Variants in AGTR1 observed in about 807,000 individuals in gnomAD.
AGTR1 encodes type-1 angiotensin II receptor.
In AGTR1, 16 loss-of-function variants were observed where a neutral mutation model predicts 19.4. That is an observed-to-expected ratio of 0.82 (90% CI 0.56 to 1.25). The LOEUF (loss-of-function observed/expected upper bound fraction) is 1.25, where lower values mean the gene tolerates loss of function less well. Ranked by LOEUF, AGTR1 falls within the 50% of genes most tolerant of loss-of-function variation. AGTR1 has a pLI of 0.00. For missense variants in AGTR1, 373 were observed against 431.9 expected (o/e 0.86, Z 1.21); for synonymous variants, 153 against 154.9 (o/e 0.99, Z 0.09).
chr3:148,703,435 A>G (rs1247234059), intron 1 of AGTR1, among the ~76,000 whole-genome samples: 1 of 152,210 alleles, frequency 6.6e-6, no homozygotes, highest in African/African-American at 2.4e-5. Context: ...CTTGTTTAGA[A>G]TAATTATGAA....
In AGTR1 at chr3:148,731,593, C is replaced by G. The variant is rs151084837; in HGVS notation, c.-47-9396C>G. 25 of 152,208 alleles carry G rather than the reference C, an allele frequency of 1.6e-4. No homozygotes were observed. In the East Asian group the frequency reaches 4.6e-3, roughly 28 times the overall value. 9.4% of individuals were successfully genotyped at this position (152,208 alleles called of 1,614,324 possible). ...AAATGCTTTTATGTCTTCCAAAGAACTTTTTATTTTTAGCAGTCCATGAAA... is the reference window on the plus strand; with the variant it reads ...AAATGCTTTTATGTCTTCCAAAGAAGTTTTTATTTTTAGCAGTCCATGAAA... On this transcript the variant is annotated intron_variant, in intron 2 of 2. Coordinates refer to ENST00000349243, the MANE Select transcript of AGTR1 (RefSeq NM_000685.5).
chr3:148,702,229 G>A (rs1385524130), intron 1 of AGTR1, among the ~76,000 whole-genome samples: 5 of 151,876 alleles, frequency 3.3e-5, no homozygotes, highest in Non-Finnish European at 7.4e-5. Context: ...TCCCTGCCTC[G>A]GCCTCCCAAA....
chr3:148,735,542 C>G (rs150818232), intron 2 of AGTR1, among the ~76,000 whole-genome samples: 1,882 of 152,094 alleles, frequency 0.012, 33 homozygotes, highest in African/African-American at 0.043. Flanking sequence ...AATAGTAAAG[C>G]AATTGGGTAG....
rs1211534547 is a variant in AGTR1 at position 148,700,104 on chromosome 3, G to T, written c.-132+1977G>T. On this transcript the variant is annotated intron_variant, in intron 1 of 2. Transcript: ENST00000349243. ...TCAGAAAAGGGCAGATTTGTGGGTT[G>T]TTCAGGTTTCTCACTTTTCTTTTTC... Among the ~76,000 whole-genome samples the T allele has an allele frequency of 2.6e-5, 4 of 152,246 alleles. No individual in the cohort carries two copies. The East Asian group carries it at 7.7e-4, about 29-fold the overall frequency.
intron 1 of AGTR1, among the ~76,000 whole-genome samples, chr3:148,698,681 C>G (rs1712135167): frequency 6.6e-6 from 1 of 152,130 alleles, no homozygotes. Context: ...CAACCTTGGC[C>G]AAACTCTCCC....
intron 1 of AGTR1, among the ~76,000 whole-genome samples, chr3:148,705,287 C>A (rs1480213993): frequency 6.6e-6 from 1 of 152,106 alleles, no homozygotes; most frequent in Non-Finnish European, 1.5e-5. Context: ...ATATACTTAA[C>A]AACTTTATCA....
chr3:148,731,845 AC>A (rs1714275578), intron 2 of AGTR1, among the ~76,000 whole-genome samples: 1 of 152,242 alleles, frequency 6.6e-6, no homozygotes. Context: ...AAAGTAAAGA[AC>A]TATAATGCAT....
chr3:148,726,583 T>G (rs1713956024), intron 2 of AGTR1, among the ~76,000 whole-genome samples: 1 of 152,252 alleles, frequency 6.6e-6, no homozygotes. Context: ...TTTTGTGTGT[T>G]AAGATTCAGC....
rs961023538 is a variant in AGTR1, at chr3:148,736,817, T to G, written c.-47-4172T>G. ...CACAGAGCTTGGATAAAAGGAATAGTAAGACCAAAAATAGGAAAAGTAGGA... is the reference window on the plus strand; with the variant it reads ...CACAGAGCTTGGATAAAAGGAATAGGAAGACCAAAAATAGGAAAAGTAGGA... On this transcript the variant is annotated intron_variant, in intron 2 of 2. Transcript: ENST00000349243. 1.2e-4 allele frequency among the ~76,000 whole-genome samples: 18 copies of G among 152,180 alleles called. 1 individual carries two copies. The highest frequency in any genetic ancestry group is 1.5e-5 in the Non-Finnish European group (1 of 68,028).
intron 2 of AGTR1, among the ~76,000 whole-genome samples, chr3:148,732,730 A>ATTTTTTT (rs778034622): frequency 1.8e-5 from 2 of 109,952 alleles, no homozygotes; most frequent in Admixed American, 9.3e-5. Flanking sequence ...GCTTCGGAAA[A>ATTTTTTT]TTTTTTTTTT....
chr3:148,702,429 T>G (rs979757603), intron 1 of AGTR1, among the ~76,000 whole-genome samples: 2 of 152,244 alleles, frequency 1.3e-5, no homozygotes, highest in Non-Finnish European at 2.9e-5. Context: ...TGCAGGTACT[T>G]ACAGAGGAAA....
At chr3:148,703,125 A>G (rs1712450786) in intron 1 of AGTR1, among the ~76,000 whole-genome samples, 1 of 152,322 alleles carries the variant, frequency 6.6e-6, no homozygotes, top group South Asian at 2.1e-4. Flanking sequence ...GAATACTGGA[A>G]TCACCCAGGG....
intron 1 of AGTR1, among the ~76,000 whole-genome samples, chr3:148,706,675 G>A (rs1712686122): frequency 6.6e-6 from 1 of 151,888 alleles, no homozygotes; most frequent in African/African-American, 2.4e-5. Flanking sequence ...CAACCTAATT[G>A]AAACATGAGC....
Position 148,740,593 on chromosome 3 carries a change from C to A in AGTR1, c.-47-396C>A, listed in dbSNP as rs761427579. On this transcript the variant is annotated intron_variant, in intron 2 of 2. Transcript: ENST00000349243. ...TGAGGTTAATGATAAATGAATTGGTCCTGCTTACCTCAGGAAAAACTTTCA... is the reference window on the plus strand; with the variant it reads ...TGAGGTTAATGATAAATGAATTGGTACTGCTTACCTCAGGAAAAACTTTCA... 8.5e-5 allele frequency among the ~76,000 whole-genome samples: 13 copies of A among 152,264 alleles called. No individual in the cohort carries two copies. The Middle Eastern group carries it at 0.02, about 239-fold the overall frequency.
intron 1 of AGTR1, among the ~76,000 whole-genome samples, chr3:148,698,867 G>A (rs1712146182): frequency 6.6e-6 from 1 of 152,120 alleles, no homozygotes; most frequent in African/African-American, 2.4e-5. Flanking sequence ...GCCACTGCCC[G>A]ACACCCAACT....
intron 1 of AGTR1, among the ~76,000 whole-genome samples, chr3:148,705,468 A>C (rs1027500683): frequency 1.3e-5 from 2 of 152,046 alleles, no homozygotes; most frequent in Admixed American, 1.3e-4. Context: ...ACTTCATATA[A>C]AACACATTTT....
chr3:148,711,687 A>G (rs1712991993), intron 2 of AGTR1, among the ~76,000 whole-genome samples: 1 of 152,232 alleles, frequency 6.6e-6, no homozygotes, highest in Admixed American at 6.5e-5. Flanking sequence ...TGCTTAGCAC[A>G]TAACTCTATA....
chr3:148,737,024 GA>G (rs1478775641), intron 2 of AGTR1, among the ~76,000 whole-genome samples: 1 of 152,042 alleles, frequency 6.6e-6, no homozygotes, highest in East Asian at 1.9e-4. Context: ...CAGCTTCAAA[GA>G]AAAAAGAGCC....
intron 2 of AGTR1, among the ~76,000 whole-genome samples, chr3:148,715,450 C>T (rs553076350): frequency 2.0e-5 from 3 of 152,250 alleles, no homozygotes; most frequent in South Asian, 4.1e-4. Context: ...AAGGAAAAGA[C>T]AAGCATCTGT....
Sources: allele counts gnomAD v4.1 joint callset (sites outside exome capture counted in the v4.1 genomes callset), GRCh38; gene constraint gnomAD v4.1.1; transcripts MANE v1.5; gene names NCBI Gene and HGNC (gene_info 2026-07-23, HGNC 2026-07-21).